MYT1: variants seen among roughly 807,000 people sequenced by gnomAD.
MYT1 encodes myelin transcription factor I.
Under a neutral mutation model 123.0 loss-of-function variants are expected in MYT1, and 23 were observed. That is an observed-to-expected ratio of 0.19 (90% confidence interval 0.13 to 0.26). The LOEUF (loss-of-function observed/expected upper bound fraction) is 0.26. Among genes scored for constraint, MYT1 ranks in the 10% least tolerant of loss-of-function variants. The pLI is 1.00. For synonymous variants in MYT1, 518 were observed against 575.3 expected, an observed-to-expected ratio of 0.90 and a Z score of 1.43; for missense variants, 1,125 against 1,472.5, an observed-to-expected ratio of 0.76 and a Z score of 3.86.
At chr20:64,176,882 C>T (rs1168099309) in intron 1 of MYT1, among the ~76,000 whole-genome samples, 1 of 152,126 alleles carries the variant, frequency 6.6e-6, no homozygotes, top group Non-Finnish European at 1.5e-5. Flanking sequence ...CTGGAGAGCC[C>T]GTCCTGTGAT....
chr20:64,211,303 T>C lies in MYT1; in HGVS notation c.1389T>C (p.Leu463=). ...GGTTGTACCCTCACCACCGCAGCCT[T>C]TCTGGCTGTCCCCACAAGGATAGGA... ...VTGLYPHHRS[L]SGCPHKDRIP... is the part of the protein sequence containing the mutation. Residue 463 remains leucine, a synonymous_variant, in exon 8 of 23, where the codon CTT becomes CTC. Transcript: ENST00000328439. 1.9e-6 allele frequency: 3 copies of C among 1,613,926 alleles called. No individual in the cohort carries two copies. In the East Asian group the frequency reaches 6.7e-5, roughly 36 times the overall value.
At chr20:64,240,034 T>G in intron 22 of MYT1, 131 bp downstream of exon 22, 1 of 1,360,144 alleles carries the variant, frequency 7.4e-7, no homozygotes, top group African/African-American at 1.4e-5. Context: ...CTTGTGGAGA[T>G]TCTCTCCACC....
chr20:64,196,306 C>G lies in MYT1; in HGVS notation c.1-2556C>G, dbSNP rs1388836638. Among the ~76,000 whole-genome samples the G allele has an allele frequency of 1.3e-5, 2 of 152,244 alleles. No homozygotes were observed. Among genetic ancestry groups the G allele is most frequent in the Admixed American group, 1.3e-4 (2 of 15,288 alleles). On this transcript the variant is annotated intron_variant, in intron 2 of 22. Coordinates refer to ENST00000328439, the MANE Select transcript of MYT1 (RefSeq NM_004535.3). This position sits in a 1 kb window ranked among gnomAD's most constrained non-coding sequence, Gnocchi z 4.3. ...CCGTCCAGGGATCACCAAGGTGAGC[C>G]TGGGTGGTGCTGGGCACAGGGCCGC...
chr20:64,229,089 G>A (rs1452076345), intron 18 of MYT1, among the ~76,000 whole-genome samples: 1 of 152,220 alleles, frequency 6.6e-6, no homozygotes, highest in Non-Finnish European at 1.5e-5. Flanking sequence ...TCCTTCAGAC[G>A]GGGATGGGCC....
chr20:64,178,635 C>T (rs1291469582), intron 1 of MYT1, among the ~76,000 whole-genome samples: 2 of 139,882 alleles, frequency 1.4e-5, no homozygotes, highest in Non-Finnish European at 1.5e-5. Context: ...CGTGGGAGCA[C>T]TGAGCCGTTA....
rs1382105640 is a variant in MYT1, at chr20:64,219,042, A to C, written c.1971+7A>C. 7 of 1,608,254 alleles carry C rather than the reference A, an allele frequency of 4.4e-6. No homozygotes were observed. The highest frequency in any genetic ancestry group is 3.4e-5 in the Admixed American group (2 of 59,484). Reference sequence around the variant, plus strand: ...ACAGGACCTCCCCAGCAAGGTTAGTACATCTGCCACAGAGCCTTTCTTGGG... The same window carrying C: ...ACAGGACCTCCCCAGCAAGGTTAGTCCATCTGCCACAGAGCCTTTCTTGGG... On this transcript the variant is annotated splice_region_variant and intron_variant, in intron 12 of 22. Transcript: ENST00000328439.
At chr20:64,204,999 C>A in intron 4 of MYT1, 36 bp from the exon 5 acceptor site, 1 of 1,607,546 alleles carries the variant, frequency 6.2e-7, no homozygotes, top group Non-Finnish European at 8.5e-7. Context: ...CTGAGCCCAT[C>A]GCCTGATGTG....
chr20:64,219,619 G>A (rs977157651), intron 12 of MYT1, 94 bp from the exon 13 acceptor site: 26 of 1,106,188 alleles, frequency 2.4e-5, no homozygotes, highest in Non-Finnish European at 3.1e-5. Context: ...ATGGGAACCA[G>A]TGTTCTGGAC....
In MYT1 at chr20:64,232,257, G is replaced by A; in HGVS notation, c.2769G>A (p.Arg923=). The A allele has an allele frequency of 6.2e-7, 1 of 1,613,218 alleles. No homozygotes were observed. The highest frequency in any genetic ancestry group is 8.5e-7 in the Non-Finnish European group (1 of 1,180,024). Residue 923 remains arginine, a synonymous_variant, in exon 19 of 23, where the codon AGG becomes AGA. Transcript: ENST00000328439. The surrounding 1 kb of genome is among the most constrained non-coding windows in gnomAD (Gnocchi z 6.9). ...CCGGCTGCCCACTGGCCGCCCGCAG[G>A]CAGAAGGAAGGGTCCCTCAATGGCT... ...SASGCPLAAR[R]QKEGSLNGSS...
chr20:64,214,532 C>A (rs1020297264), intron 10 of MYT1, among the ~76,000 whole-genome samples: 8 of 152,194 alleles, frequency 5.3e-5, no homozygotes, highest in Admixed American at 6.5e-5. Flanking sequence ...CCAAGGCCAC[C>A]CTGCCCATCC....
At chr20:64,228,689 T>A (rs755200707) in intron 18 of MYT1, among the ~76,000 whole-genome samples, 3 of 152,174 alleles carry the variant, frequency 2.0e-5, no homozygotes, top group Non-Finnish European at 4.4e-5. Flanking sequence ...ACGGGTCCCC[T>A]GCACTGCCCA....
At position 64,218,892 on chromosome 20, in the gene MYT1, A is replaced by G; in HGVS notation, c.1847-19A>G. On this transcript the variant is annotated intron_variant, in intron 11 of 22. Transcript: ENST00000328439. This position sits in a 1 kb window ranked among gnomAD's most constrained non-coding sequence, Gnocchi z 4.0. ...CCCCTCCAGTAGTTATGTGAGGAGC[A>G]CTTCATCCTCTTCTGCAGGCTTTGA... The G allele has an allele frequency of 6.2e-7, 1 of 1,613,152 alleles. No individual in the cohort carries two copies. Among genetic ancestry groups the G allele is most frequent in the Non-Finnish European group, 8.5e-7 (1 of 1,180,016 alleles).
intron 1 of MYT1, among the ~76,000 whole-genome samples, chr20:64,173,138 C>T (rs1982335824): frequency 6.6e-6 from 1 of 152,170 alleles, no homozygotes; most frequent in Admixed American, 6.5e-5. Flanking sequence ...TACCCCTTCC[C>T]ATACCCCAGG....
In MYT1 at chr20:64,239,741, G is replaced by A. The variant is rs374255532; in HGVS notation, c.3094-19G>A. The stretch of plus-strand genomic sequence containing the variant: ...GGGGGCCAAGGGCAGGCGGCACTTC[G>A]AATCTCTCTCTGGCACAGATCTCCT... On this transcript the variant is annotated intron_variant, in intron 21 of 22. Coordinates refer to ENST00000328439, the MANE Select transcript of MYT1 (RefSeq NM_004535.3). 18 of 1,613,260 alleles carry A rather than the reference G, an allele frequency of 1.1e-5. No individual in the cohort carries two copies. Among genetic ancestry groups the A allele is most frequent in the Admixed American group, 6.7e-5 (4 of 59,992 alleles).
intron 18 of MYT1, among the ~76,000 whole-genome samples, chr20:64,229,699 C>T (rs1984267551): frequency 6.6e-6 from 1 of 152,236 alleles, no homozygotes; most frequent in African/African-American, 2.4e-5. Flanking sequence ...GGGATTTCGT[C>T]AGCATGCATG....
At chr20:64,205,494 G>A in intron 5 of MYT1, 59 bp from the exon 6 acceptor site, 1 of 1,592,998 alleles carries the variant, frequency 6.3e-7, no homozygotes, top group East Asian at 2.2e-5. Flanking sequence ...CTCATGGGGT[G>A]TCTGAGGCCT....
rs1005771215 is a variant in MYT1, at chr20:64,185,728, C to A, written c.-98-4335C>A. 6.6e-6 allele frequency among the ~76,000 whole-genome samples: 1 copy of A among 152,150 alleles called. No homozygotes were observed. The highest frequency in any genetic ancestry group is 1.5e-5 in the Non-Finnish European group (1 of 68,030). The stretch of plus-strand genomic sequence containing the variant: ...AGCCACGGTCGCCCGCAGGGGGTCC[C>A]CCATGGGGTTGTGCGTGGAGTGGCC... On this transcript the variant is annotated intron_variant, in intron 1 of 22. Transcript: ENST00000328439. This position sits in a 1 kb window ranked among gnomAD's most constrained non-coding sequence, Gnocchi z 4.5.
intron 10 of MYT1, among the ~76,000 whole-genome samples, chr20:64,216,694 T>C (rs1601717623): frequency 6.6e-6 from 1 of 152,214 alleles, no homozygotes; most frequent in East Asian, 1.9e-4. Context: ...TATGCTACTC[T>C]TTGGCCCTGC....
At position 64,207,997 on chromosome 20, in the gene MYT1, GGAAGAGGAGGAGGAGGAGGATGAA is replaced by G. The variant is rs1568710793; in HGVS notation, c.810_833del (p.Asp274_Glu281del). 2 of 1,570,434 alleles carry G rather than the reference GGAAGAGGAGGAGGAGGAGGATGAA, an allele frequency of 1.3e-6. No individual in the cohort carries two copies. Among genetic ancestry groups the G allele is most frequent in the Non-Finnish European group, 1.7e-6 (2 of 1,155,446 alleles). ...AGGAGGACGAGGAGGAGGAGGAGGA[GGAAGAGGAGGAGGAGGAGGATGAA>G]GAAGAGGAAGAGGAAGAGGAGGAGG... On this transcript the variant is annotated inframe_deletion, in exon 7 of 23. Coordinates refer to ENST00000328439, the MANE Select transcript of MYT1 (RefSeq NM_004535.3).
Sources: allele counts gnomAD v4.1 joint callset (sites outside exome capture counted in the v4.1 genomes callset), GRCh38; gene constraint gnomAD v4.1.1; non-coding constraint Gnocchi (gnomAD v3.1); transcripts MANE v1.5; gene names NCBI Gene and HGNC (gene_info 2026-07-23, HGNC 2026-07-21).